SULT4A1: variants seen among roughly 807,000 people sequenced by gnomAD.
SULT4A1 encodes the protein sulfotransferase family 4A member 1.
SULT4A1 carries 11 observed loss-of-function variants against 35.2 expected under a neutral mutation model. That is an observed-to-expected ratio of 0.31 (90% confidence interval 0.20 to 0.52). The LOEUF (loss-of-function observed/expected upper bound fraction) is 0.52, where lower values mean the gene tolerates loss of function less well. SULT4A1 is among the 20% of genes least tolerant of loss of function. The pLI, the probability that SULT4A1 is intolerant of heterozygous loss-of-function variation, is 0.97. For synonymous variants in SULT4A1, 152 were observed against 151.8 expected, an observed-to-expected ratio of 1.00 and a Z score of -0.01; for missense variants, 271 against 383.7, an observed-to-expected ratio of 0.71 and a Z score of 2.45.
intron 1 of SULT4A1, among the ~76,000 whole-genome samples, chr22:43,848,338 G>A (rs2063489412): frequency 6.6e-6 from 1 of 152,240 alleles, no homozygotes; most frequent in Admixed American, 6.5e-5. Context: ...TCAAGATGGG[G>A]CACCAGCAAC....
At chr22:43,849,676 T>A (rs1481145330) in intron 1 of SULT4A1, among the ~76,000 whole-genome samples, 2 of 151,992 alleles carry the variant, frequency 1.3e-5, no homozygotes, top group Non-Finnish European at 2.9e-5. Context: ...AGCAATAAAA[T>A]CCCCCACATT....
chr22:43,829,475 T>C (rs1332161205), intron 5 of SULT4A1, among the ~76,000 whole-genome samples: 1 of 152,238 alleles, frequency 6.6e-6, no homozygotes, highest in Non-Finnish European at 1.5e-5. Context: ...TGGTTAAGTT[T>C]TAACAGGAGC....
At chr22:43,852,819 G>A (rs1443732775) in intron 1 of SULT4A1, among the ~76,000 whole-genome samples, 1 of 150,716 alleles carries the variant, frequency 6.6e-6, no homozygotes, top group African/African-American at 2.5e-5. Context: ...CACCAGCTGA[G>A]GACATGCTGA....
At chr22:43,839,030 T>A in intron 3 of SULT4A1, 37 bp from the exon 4 acceptor site, 1 of 1,607,988 alleles carries the variant, frequency 6.2e-7, no homozygotes, top group Non-Finnish European at 8.5e-7. Context: ...CCGTGTCTCC[T>A]TCCCTCCCAG....
At chr22:43,829,551 T>C (rs983077570) in intron 5 of SULT4A1, among the ~76,000 whole-genome samples, 1 of 152,238 alleles carries the variant, frequency 6.6e-6, no homozygotes, top group Admixed American at 6.5e-5. Flanking sequence ...GGCTCCTCTT[T>C]CCCTTCCTGC....
At chr22:43,858,277 G>T (rs2049426292) in intron 1 of SULT4A1, among the ~76,000 whole-genome samples, 1 of 152,054 alleles carries the variant, frequency 6.6e-6, no homozygotes, top group African/African-American at 2.4e-5. Context: ...TTCAACCAGG[G>T]CCAACTACTC....
At chr22:43,832,189 C>G (rs2063330157) in intron 5 of SULT4A1, among the ~76,000 whole-genome samples, 2 of 152,204 alleles carry the variant, frequency 1.3e-5, no homozygotes, top group Admixed American at 1.3e-4. Flanking sequence ...ACACCGTCCT[C>G]TGGGCGTGAG....
At position 43,845,599 on chromosome 22, in the gene SULT4A1, C is replaced by T. The variant is rs148575029; in HGVS notation, c.170-3667G>A. Among the ~76,000 whole-genome samples the T allele has an allele frequency of 2.5e-3, 375 of 152,268 alleles. 2 individuals carry two copies. Among genetic ancestry groups the T allele is most frequent in the Middle Eastern group, 0.01 (3 of 294 alleles). ...GAACTGCTTCCTACGAGGGCTCCTCCCTGGCTCTCTGCTGCCACCCAGCTC... is the reference window on the plus strand; with the variant it reads ...GAACTGCTTCCTACGAGGGCTCCTCTCTGGCTCTCTGCTGCCACCCAGCTC... On this transcript the variant is annotated intron_variant, in intron 1 of 6. Coordinates refer to ENST00000330884, the MANE Select transcript of SULT4A1 (RefSeq NM_014351.4).
rs567553452 is a variant in SULT4A1 at position 43,832,442 on chromosome 22, A to G, written c.603+1198T>C. 5.3e-5 allele frequency among the ~76,000 whole-genome samples: 8 copies of G among 152,294 alleles called. No homozygotes were observed. The South Asian group carries it at 1.0e-3, about 20-fold the overall frequency. ...CAGACGGGGTCCTTCCTGCACATCG[A>G]GCAAGCCCCGAAAGGCCACGCTCCT... On this transcript the variant is annotated intron_variant, in intron 5 of 6. Coordinates refer to ENST00000330884, the MANE Select transcript of SULT4A1 (RefSeq NM_014351.4).
In SULT4A1 at chr22:43,862,232, C is replaced by G. The variant is rs1226083989; in HGVS notation, c.151G>C (p.Val51Leu). ...GGCTCACCGGACTTGGGGTAGGTGA[C>G]GATCCACACGTCGCTGGGCCGCACC... is the stretch of plus-strand genomic sequence containing the variant. ...FPVRPSDVWI[V>L]TYPKSGTSLL... The change falls in exon 1 of 7, where the codon GTC (valine) becomes CTC (leucine). Residue 51 changes from valine (V) to leucine (L), a missense_variant. Physicochemically the swap from Val to Leu is conservative, Grantham distance 32. This residue lies in a region of SULT4A1 where 164 missense variants were observed against 254.1 expected (regional missense o/e 0.65). Coordinates refer to ENST00000330884, the MANE Select transcript of SULT4A1 (RefSeq NM_014351.4). The G allele has an allele frequency of 1.9e-6, 3 of 1,560,570 alleles. No homozygotes were observed. The highest frequency in any genetic ancestry group is 2.6e-6 in the Non-Finnish European group (3 of 1,152,874).
intron 4 of SULT4A1, among the ~76,000 whole-genome samples, chr22:43,835,842 C>T (rs1358890415): frequency 2.0e-5 from 3 of 152,182 alleles, no homozygotes; most frequent in African/African-American, 4.8e-5. Flanking sequence ...AAGGACTGCA[C>T]GTGTGGTCCT....
chr22:43,852,598 T>A (rs1405694415), intron 1 of SULT4A1, among the ~76,000 whole-genome samples: 3 of 151,814 alleles, frequency 2.0e-5, no homozygotes, highest in Non-Finnish European at 1.5e-5. Flanking sequence ...GCTCCCCACC[T>A]CCAAAAGGAA....
chr22:43,862,398 G>C lies in SULT4A1; in HGVS notation c.-16C>G, dbSNP rs1225996546. The C allele has an allele frequency of 1.6e-6, 2 of 1,260,728 alleles. No homozygotes were observed. The highest frequency in any genetic ancestry group is 5.5e-5 in the Admixed American group (2 of 36,070). 78.1% of individuals were successfully genotyped at this position (1,260,728 alleles called of 1,614,324 possible). ...TCTCCGCCATGCCGCCGCCGTCGCC[G>C]TCGCCGCCGCCGCCTCCCGGCTCGC... is the stretch of plus-strand genomic sequence containing the variant. On this transcript the variant is annotated 5_prime_UTR_variant, in exon 1 of 7. Transcript: ENST00000330884.
In SULT4A1 at chr22:43,829,156, C is replaced by A; in HGVS notation, c.646G>T (p.Val216Leu). The part of the protein sequence containing the change: ...MVEQLARFLG[V>L]SCDKAQLEAL... ...TCCAGCTGGGCCTTGTCACAGGACA[C>A]CCCCAGGAATCTGGCCAGCTGCTCC... The change falls in exon 6 of 7, where the codon GTG (valine) becomes TTG (leucine). Residue 216 changes from valine (V) to leucine (L), a missense_variant. Coordinates refer to ENST00000330884, the MANE Select transcript of SULT4A1 (RefSeq NM_014351.4). The A allele has an allele frequency of 6.4e-7, 1 of 1,565,122 alleles. No homozygotes were observed. The highest frequency in any genetic ancestry group is 8.7e-7 in the Non-Finnish European group (1 of 1,155,026).
chr22:43,827,458 C>A (rs1371898910), intron 6 of SULT4A1: 8 of 1,234,046 alleles, frequency 6.5e-6, no homozygotes, highest in Non-Finnish European at 8.4e-6. Flanking sequence ...AACTATTTTT[C>A]CATGATTATT....
Position 43,833,668 on chromosome 22 carries a change from A to G in SULT4A1, c.575T>C (p.Leu192Pro). 1 of 1,595,466 alleles carries G rather than the reference A, an allele frequency of 6.3e-7. No individual in the cohort carries two copies. Among genetic ancestry groups the G allele is most frequent in the Non-Finnish European group, 8.5e-7 (1 of 1,170,834 alleles). ...FWEHRMDSNVLFLKYEDMHRD... is the reference protein window; with the variant it reads ...FWEHRMDSNVPFLKYEDMHRD... ...ATGCATGTCTTCATACTTGAGAAAAAGCACGTTCGAGTCCATGCGGTGCTC... is the reference window on the plus strand; with the variant it reads ...ATGCATGTCTTCATACTTGAGAAAAGGCACGTTCGAGTCCATGCGGTGCTC... The change falls in exon 5 of 7, where the codon CTT (leucine) becomes CCT (proline). Residue 192 changes from leucine to proline, a missense_variant. Physicochemically the swap from Leu to Pro is moderately conservative, Grantham distance 98 (BLOSUM62 -3). Transcript: ENST00000330884.
chr22:43,845,123 A>G (rs1157130331), intron 1 of SULT4A1, among the ~76,000 whole-genome samples: 6 of 152,284 alleles, frequency 3.9e-5, no homozygotes, highest in Admixed American at 3.3e-4. Context: ...CTGACCTCCC[A>G]GAAGAAACGG....
At position 43,855,711 on chromosome 22, in the gene SULT4A1, T is replaced by G. The variant is rs553137109; in HGVS notation, c.169+6503A>C. Among the ~76,000 whole-genome samples the G allele has an allele frequency of 5.9e-5, 9 of 152,190 alleles. No individual in the cohort carries two copies. The East Asian group carries it at 1.2e-3, about 20-fold the overall frequency. ...TCCCACATCCCAGGAGCTACAGACA[T>G]GCCCACCACCTGATCTAGTGGTCGG... On this transcript the variant is annotated intron_variant, in intron 1 of 6. Coordinates refer to ENST00000330884, the MANE Select transcript of SULT4A1 (RefSeq NM_014351.4).
intron 1 of SULT4A1, among the ~76,000 whole-genome samples, chr22:43,856,401 A>AAG (rs1335022454): frequency 6.6e-6 from 1 of 152,186 alleles, no homozygotes; most frequent in African/African-American, 2.4e-5. Context: ...ACTCCTGCAC[A>AAG]AGAGTTACCA....
Sources: gnomAD v4.1 joint callset for allele counts (sites outside exome capture counted in the v4.1 genomes callset) on GRCh38, gnomAD v4.1.1 for gene constraint, gnomAD v4.1.1 regional missense constraint, MANE v1.5 for transcripts, NCBI Gene and HGNC (gene_info 2026-07-23, HGNC 2026-07-21) for gene names.